The following NAV1 variants were observed in gnomAD, a reference collection of about 807,000 sequenced individuals.
NAV1 encodes pore membrane and/or filament interacting like protein 3.
In NAV1, 18 loss-of-function variants were observed where a neutral mutation model predicts 175.2. The ratio of observed to expected loss-of-function variants is 0.10; its 90% confidence interval spans 0.07 to 0.15. The LOEUF (loss-of-function observed/expected upper bound fraction) is 0.15. Ranked by LOEUF, NAV1 falls within the 10% of genes least tolerant of loss-of-function variation. NAV1 has a pLI of 1.00. For missense variants in NAV1, 1,731 were observed against 2,436.6 expected, an observed-to-expected ratio of 0.71 and a Z score of 6.10; for synonymous variants, 897 against 978.7, an observed-to-expected ratio of 0.92 and a Z score of 1.56.
At chr1:201,550,010 CAAAAA>C (rs1186985996) in intron 1 of NAV1, among the ~76,000 whole-genome samples, 14 of 17,704 alleles carry the variant, frequency 7.9e-4, no homozygotes, top group African/African-American at 2.5e-3. Flanking sequence ...GACTCCATCT[CAAAAA>C]AAAAAAAAAA....
chr1:201,751,048 C>A (rs1033626475), intron 3 of NAV1, among the ~76,000 whole-genome samples: 2 of 152,198 alleles, frequency 1.3e-5, no homozygotes, highest in East Asian at 3.8e-4. Flanking sequence ...CATAAAGCCT[C>A]AGAACAGGAA....
chr1:201,799,093 A>T (rs909983930), intron 15 of NAV1, among the ~76,000 whole-genome samples: 1 of 152,172 alleles, frequency 6.6e-6, no homozygotes, highest in Non-Finnish European at 1.5e-5. Flanking sequence ...AGAAAAAAAG[A>T]AAAAAGAAAA....
intron 1 of NAV1, among the ~76,000 whole-genome samples, chr1:201,663,019 A>T (rs180971448): frequency 2.3e-4 from 32 of 140,076 alleles, no homozygotes; most frequent in Admixed American, 2.1e-3. Flanking sequence ...TTTTCTACAC[A>T]TCTGATTCTT....
At chr1:201,660,363 C>T (rs1344828917) in intron 1 of NAV1, among the ~76,000 whole-genome samples, 4 of 152,122 alleles carry the variant, frequency 2.6e-5, no homozygotes, top group East Asian at 1.9e-4. Context: ...CAGGCAGCAT[C>T]GAGAGGCTGT....
At chr1:201,793,984 C>T (rs1160563721) in intron 14 of NAV1, 109 bp downstream of exon 18, 2 of 884,726 alleles carry the variant, frequency 2.3e-6, no homozygotes, top group Non-Finnish European at 3.6e-6. Context: ...CAGTTTCTCC[C>T]CACCTCACTG....
intron 2 of NAV1, among the ~76,000 whole-genome samples, chr1:201,607,176 C>T (rs1409167538): frequency 6.9e-6 from 1 of 145,526 alleles, no homozygotes; most frequent in Non-Finnish European, 1.5e-5. Context: ...AGTGCAGTGG[C>T]AGGATCTCAG....
At chr1:201,781,669 T>G (rs558513998) in intron 5 of NAV1, among the ~76,000 whole-genome samples, 26 of 152,306 alleles carry the variant, frequency 1.7e-4, no homozygotes, top group Middle Eastern at 3.4e-3. Context: ...GCACTTATTT[T>G]CATAGGATAC....
Position 201,788,336 on chromosome 1 carries a change from C to G in NAV1, c.2996-132C>G. The G allele has an allele frequency of 6.6e-6, 6 of 910,058 alleles. No homozygotes were observed. Among genetic ancestry groups the G allele is most frequent in the Non-Finnish European group, 1.0e-5 (6 of 579,792 alleles). The allele number at this position is 910,058 out of a possible 1,614,324, so 56.4% of individuals were successfully genotyped here. A position where few individuals can be genotyped will look rare whatever the true frequency, so the allele number is the denominator to read the frequency against. On this transcript the variant is annotated intron_variant, in intron 9 of 29. Transcript: ENST00000367296. This position sits in a 1 kb window ranked among gnomAD's most constrained non-coding sequence, Gnocchi z 5.7. Reference sequence around the variant, plus strand: ...CCCACCACCGCACCTGCCCCTTCCTCTCCTGCCCTCTCCCCATTTGCCTCT... The same window carrying G: ...CCCACCACCGCACCTGCCCCTTCCTGTCCTGCCCTCTCCCCATTTGCCTCT...
chr1:201,744,192 T>C (rs1298782537), intron 3 of NAV1, among the ~76,000 whole-genome samples: 1 of 152,220 alleles, frequency 6.6e-6, no homozygotes, highest in Non-Finnish European at 1.5e-5. Context: ...CAAAACATGA[T>C]TTTTTTAAAA....
chr1:201,545,376 A>T (rs972363708), intron 1 of NAV1, among the ~76,000 whole-genome samples: 6 of 151,048 alleles, frequency 4.0e-5, no homozygotes, highest in African/African-American at 1.2e-4. Context: ...TTTTTTAATT[A>T]ATTTATTTAT....
chr1:201,666,982 C>T (rs1048539463), intron 1 of NAV1, among the ~76,000 whole-genome samples: 9 of 152,150 alleles, frequency 5.9e-5, no homozygotes, highest in Non-Finnish European at 8.8e-5. Context: ...TGAAGCCAGG[C>T]CCCCAGAGAG....
At position 201,810,575 on chromosome 1, in the gene NAV1, G is replaced by A. The variant is rs758831646; in HGVS notation, c.4614G>A (p.Lys1538=). Residue 1538 remains lysine (K), a synonymous_variant, in exon 24 of 30, where the codon AAG becomes AAA. Coordinates refer to ENST00000367296, the Ensembl canonical transcript of NAV1. This position sits in a 1 kb window ranked among gnomAD's most constrained non-coding sequence, Gnocchi z 6.0. The stretch of plus-strand genomic sequence containing the variant: ...TGGTGTTCGAGACGCTGATCCCCAA[G>A]CCGATGATGCAGCACTACATAAGCC... 1 of 1,613,984 alleles carries A rather than the reference G, an allele frequency of 6.2e-7. No individual in the cohort carries two copies. Among genetic ancestry groups the A allele is most frequent in the Non-Finnish European group, 8.5e-7 (1 of 1,179,914 alleles).
At chr1:201,786,349 G>A (rs1558164661) in intron 8 of NAV1, 80 bp from the exon 13 acceptor site, 9 of 1,432,060 alleles carry the variant, frequency 6.3e-6, no homozygotes, top group Non-Finnish European at 8.6e-6. Context: ...CTCCAGCCTA[G>A]TTCAGACACC....
upstream of NAV1, among the ~76,000 whole-genome samples, chr1:201,618,537 C>G (rs658372): frequency 0.038 from 5,798 of 152,196 alleles, 334 homozygotes; most frequent in African/African-American, 0.13. Flanking sequence ...GCCCCATGCT[C>G]CAATCAGAGC....
intron 1 of NAV1, among the ~76,000 whole-genome samples, chr1:201,699,336 C>T (rs1671316361): frequency 6.6e-6 from 1 of 152,124 alleles, no homozygotes; most frequent in Non-Finnish European, 1.5e-5. Flanking sequence ...AACTCCCATT[C>T]ACAATTGCTT....
chr1:201,653,253 A>G (rs1267189646), intron 1 of NAV1, among the ~76,000 whole-genome samples: 1 of 152,170 alleles, frequency 6.6e-6, no homozygotes, highest in African/African-American at 2.4e-5. Flanking sequence ...CCAGGTGTTC[A>G]TGTTCCTTCC....
At chr1:201,614,002 C>A (rs1667927189) in intron 2 of NAV1, among the ~76,000 whole-genome samples, 1 of 150,314 alleles carries the variant, frequency 6.7e-6, no homozygotes, top group South Asian at 2.1e-4. Context: ...GCAGCAATAC[C>A]CAGATTTGTA....
At chr1:201,609,468 A>C (rs1177913910) in intron 2 of NAV1, among the ~76,000 whole-genome samples, 1 of 152,226 alleles carries the variant, frequency 6.6e-6, no homozygotes, top group East Asian at 1.9e-4. Flanking sequence ...CCCGGCACCA[A>C]GGACCCTTCA....
chr1:201,602,027 C>A (rs1482043111), intron 2 of NAV1, among the ~76,000 whole-genome samples: 1 of 152,128 alleles, frequency 6.6e-6, no homozygotes, highest in Non-Finnish European at 1.5e-5. Flanking sequence ...GTATATTTCC[C>A]ATACCCACCC....
Sources: gnomAD v4.1 joint callset for allele counts (sites outside exome capture counted in the v4.1 genomes callset) on GRCh38, gnomAD v4.1.1 for gene constraint, Gnocchi (gnomAD v3.1) non-coding constraint, MANE v1.5 for transcripts, NCBI Gene and HGNC (gene_info 2026-07-23, HGNC 2026-07-21) for gene names.